The following CDC73 variants were observed in gnomAD, a reference collection of about 807,000 sequenced individuals.
CDC73 encodes cell division cycle 73, also known as parafibromin.
CDC73 carries 21 observed loss-of-function variants against 83.7 expected under a neutral mutation model. The ratio of observed to expected loss-of-function variants is 0.25; its 90% CI spans 0.18 to 0.36. The LOEUF (loss-of-function observed/expected upper bound fraction) is 0.36, where lower values mean the gene tolerates loss of function less well. CDC73 is among the 10% of genes least tolerant of loss of function. CDC73 has a pLI of 1.00. For missense variants in CDC73, 342 were observed against 653.3 expected, an observed-to-expected ratio of 0.52 and a Z score of 5.19; for synonymous variants, 224 against 212.9, an observed-to-expected ratio of 1.05 and a Z score of -0.45.
At chr1:193,152,577 ATC>A (rs1676132774) in intron 10 of CDC73, 133 bp downstream of exon 10, 1 of 666,584 alleles carries the variant, frequency 1.5e-6, no homozygotes, top group Admixed American at 2.3e-5. Context: ...GTGCTGATTG[ATC>A]TGTGTGGTGT....
chr1:193,239,438 A>G (rs2102064776), intron 15 of CDC73, among the ~76,000 whole-genome samples: 2 of 152,312 alleles, frequency 1.3e-5, no homozygotes, highest in South Asian at 2.1e-4. Flanking sequence ...TTAATGTTGC[A>G]TAATTATAAT....
At chr1:193,164,901 T>C (rs1020157411) in intron 10 of CDC73, among the ~76,000 whole-genome samples, 11 of 152,210 alleles carry the variant, frequency 7.2e-5, no homozygotes, top group Non-Finnish European at 1.3e-4. Flanking sequence ...ATTTATAATG[T>C]AGATATCCAA....
chr1:193,130,087 A>G (rs1675668254), intron 2 of CDC73, 87 bp from the exon 3 acceptor site: 1 of 734,026 alleles, frequency 1.4e-6, no homozygotes. Context: ...ATATGTTGGA[A>G]TAAAATTCAG....
chr1:193,206,448 T>C (rs1677190691), intron 11 of CDC73, among the ~76,000 whole-genome samples: 1 of 152,206 alleles, frequency 6.6e-6, no homozygotes, highest in African/African-American at 2.4e-5. Context: ...TAAGACTTGA[T>C]TGGAATGGAT....
chr1:193,144,112 C>CAAAAAAAAAAAAAAAAAAAA (rs67477778), intron 7 of CDC73, among the ~76,000 whole-genome samples: 1 of 64,414 alleles, frequency 1.6e-5, no homozygotes, highest in African/African-American at 6.1e-5. Flanking sequence ...TCTGTCTCAC[C>CAAAAAAAAAAAAAAAAAAAA]AAAAAAAAAA....
chr1:193,169,514 C>CA (rs1446493443), intron 10 of CDC73, among the ~76,000 whole-genome samples: 3 of 152,118 alleles, frequency 2.0e-5, no homozygotes, highest in Non-Finnish European at 2.9e-5. Context: ...CACTGCACCC[C>CA]AGCCTGGGCG....
intron 10 of CDC73, among the ~76,000 whole-genome samples, chr1:193,164,954 A>T (rs1245870904): frequency 6.6e-6 from 1 of 152,164 alleles, no homozygotes; most frequent in African/African-American, 2.4e-5. Flanking sequence ...CGATAGACTG[A>T]CCTTTCTGCA....
intron 10 of CDC73, chr1:193,181,266 A>G: frequency 6.2e-7 from 1 of 1,613,978 alleles, no homozygotes. Context: ...CTGTGTTATT[A>G]GAGTTAGTTG....
intron 7 of CDC73, among the ~76,000 whole-genome samples, chr1:193,144,938 C>T (rs1241889107): frequency 6.6e-6 from 1 of 151,386 alleles, no homozygotes; most frequent in Non-Finnish European, 1.5e-5. Context: ...TGGGAAGTTT[C>T]TTTATGCTGC....
intron 3 of CDC73, among the ~76,000 whole-genome samples, chr1:193,132,144 C>T (rs1000828496): frequency 1.9e-4 from 29 of 152,114 alleles, no homozygotes; most frequent in East Asian, 3.8e-4. Flanking sequence ...CTGAGTGTGA[C>T]GTGTAGTACC....
chr1:193,230,474 T>C (rs915600500), intron 13 of CDC73, among the ~76,000 whole-genome samples: 4 of 145,844 alleles, frequency 2.7e-5, no homozygotes, highest in African/African-American at 7.7e-5. Context: ...TTTTTTTTTT[T>C]TTTTTTTTTT....
intron 1 of CDC73, among the ~76,000 whole-genome samples, chr1:193,123,668 GA>G (rs970497826): frequency 6.8e-6 from 1 of 146,006 alleles, no homozygotes; most frequent in African/African-American, 2.5e-5. Flanking sequence ...GATTTTTAGT[GA>G]ATTTTTTTTT....
rs78471450 is a variant in CDC73 at position 193,226,412 on chromosome 1, C to A, written c.1155-6581C>A. 5.9e-3 allele frequency among the ~76,000 whole-genome samples: 899 copies of A among 152,146 alleles called. 29 individuals carry two copies. The East Asian group carries it at 0.12, about 20-fold the overall frequency. On this transcript the variant is annotated intron_variant, in intron 13 of 16. Coordinates refer to ENST00000367435, the MANE Select transcript of CDC73 (RefSeq NM_024529.5). ...GTCTTGTTCCAGTTTTCAGACAGAACGCTTTAAACTTTTCCCCATTCAGAA... is the reference window on the plus strand; with the variant it reads ...GTCTTGTTCCAGTTTTCAGACAGAAAGCTTTAAACTTTTCCCCATTCAGAA...
intron 10 of CDC73, among the ~76,000 whole-genome samples, chr1:193,171,966 C>T (rs1046064130): frequency 6.6e-6 from 1 of 152,134 alleles, no homozygotes; most frequent in Admixed American, 6.5e-5. Flanking sequence ...CTTTCTCTGT[C>T]GCCCAGGCTG....
intron 10 of CDC73, chr1:193,180,576 T>G (rs1676697198): frequency 6.2e-7 from 1 of 1,614,138 alleles, no homozygotes; most frequent in Non-Finnish European, 8.5e-7. Flanking sequence ...CTAAAGAAAC[T>G]TTAAAAATCT....
chr1:193,167,952 C>T (rs376535321), intron 10 of CDC73, among the ~76,000 whole-genome samples: 2 of 152,112 alleles, frequency 1.3e-5, no homozygotes, highest in Admixed American at 1.3e-4. Context: ...CCTCTGCCTC[C>T]CGGGTTCAAG....
intron 10 of CDC73, among the ~76,000 whole-genome samples, chr1:193,170,867 C>G (rs1461300823): frequency 6.6e-6 from 1 of 152,168 alleles, no homozygotes; most frequent in African/African-American, 2.4e-5. Flanking sequence ...GAACTGGAGG[C>G]AACATCTTTC....
At chr1:193,223,119 A>G (rs1677501003) in intron 13 of CDC73, among the ~76,000 whole-genome samples, 1 of 151,878 alleles carries the variant, frequency 6.6e-6, no homozygotes, top group Non-Finnish European at 1.5e-5. Flanking sequence ...TTATTTTCTA[A>G]GCCTTGGTTT....
intron 10 of CDC73, among the ~76,000 whole-genome samples, chr1:193,184,449 A>G (rs1418297117): frequency 6.6e-6 from 1 of 151,916 alleles, no homozygotes; most frequent in Non-Finnish European, 1.5e-5. Context: ...TTTAGAAGAG[A>G]AATAGCTTTG....
Sources: gnomAD v4.1 joint callset for allele counts (sites outside exome capture counted in the v4.1 genomes callset) on GRCh38, gnomAD v4.1.1 for gene constraint, MANE v1.5 for transcripts, NCBI Gene and HGNC (gene_info 2026-07-23, HGNC 2026-07-21) for gene names.